AGO3: variants seen among roughly 807,000 people sequenced by gnomAD.
AGO3 encodes protein argonaute-3.
Under a neutral mutation model 105.5 loss-of-function variants are expected in AGO3, and 16 were observed. That is an observed-to-expected ratio of 0.15 (90% CI 0.10 to 0.23). The LOEUF is 0.23. Among genes scored for constraint, AGO3 ranks in the 10% least tolerant of loss-of-function variants. AGO3 has a pLI of 1.00. For synonymous variants in AGO3, 340 were observed against 367.3 expected (o/e 0.93, Z 0.85); for missense variants, 534 against 1,088.0 (o/e 0.49, Z 7.16).
intron 13 of AGO3, 22 bp from the exon 14 acceptor site, chr1:36,036,155 C>T: frequency 6.2e-7 from 1 of 1,607,120 alleles, no homozygotes; most frequent in South Asian, 1.1e-5. Context: ...AATATCTAAC[C>T]CTTTTTCAAA....
chr1:36,028,548 A>G (rs1231712973), intron 12 of AGO3, among the ~76,000 whole-genome samples: 1 of 151,804 alleles, frequency 6.6e-6, no homozygotes, highest in African/African-American at 2.4e-5. Flanking sequence ...TTCCAATTTC[A>G]TCCATGTCCC....
At chr1:35,951,111 C>T (rs996358236) in intron 2 of AGO3, among the ~76,000 whole-genome samples, 3 of 152,146 alleles carry the variant, frequency 2.0e-5, no homozygotes, top group Admixed American at 2.0e-4. Flanking sequence ...CACCCATGCC[C>T]AGCTAGCGTT....
intron 5 of AGO3, among the ~76,000 whole-genome samples, chr1:36,000,612 T>A (rs1640038830): frequency 3.3e-5 from 5 of 152,172 alleles, no homozygotes; most frequent in Admixed American, 3.3e-4. Flanking sequence ...ATTATTCACT[T>A]TCTATTTATC....
chr1:35,965,489 CAAAA>C (rs1171759827), intron 2 of AGO3, among the ~76,000 whole-genome samples: 6 of 87,440 alleles, frequency 6.9e-5, no homozygotes, highest in Non-Finnish European at 1.2e-4. Context: ...GACGCTGTCT[CAAAA>C]AAAAAAAAAA....
chr1:35,991,317 G>T (rs1380386978), intron 5 of AGO3, among the ~76,000 whole-genome samples: 1 of 151,908 alleles, frequency 6.6e-6, no homozygotes, highest in Non-Finnish European at 1.5e-5. Flanking sequence ...AGTAATGGCT[G>T]CAGGAATCTC....
rs1205160160 is a variant in AGO3 at position 36,027,099 on chromosome 1, G to C, written c.1407-15G>C. On this transcript the variant is annotated splice_polypyrimidine_tract_variant and intron_variant, in intron 11 of 18. Coordinates refer to ENST00000373191, the MANE Select transcript of AGO3 (RefSeq NM_024852.4). The surrounding 1 kb of genome is among the most constrained non-coding windows in gnomAD (Gnocchi z 4.0). ...ACTAGACAAAGGTTTTATATTTAGT[G>C]GTTTCTCCTTCCAGGGGTTTCACAG... The C allele has an allele frequency of 1.9e-6, 3 of 1,604,160 alleles. No individual in the cohort carries two copies. In the African/African-American group the frequency reaches 4.0e-5, roughly 22 times the overall value.
chr1:36,009,440 T>G (rs1358193115), intron 8 of AGO3, 35 bp from the exon 9 acceptor site: 1 of 1,575,258 alleles, frequency 6.3e-7, no homozygotes, highest in Non-Finnish European at 8.6e-7. Flanking sequence ...AAAAAAGATA[T>G]ATACATGTAG....
intron 11 of AGO3, among the ~76,000 whole-genome samples, chr1:36,014,542 C>A (rs1250466142): frequency 2.0e-5 from 3 of 148,474 alleles, no homozygotes; most frequent in African/African-American, 7.4e-5. Flanking sequence ...GAGGCCAGGG[C>A]GGGTGGATCA....
At chr1:35,982,609 T>C (rs1337932732) in intron 5 of AGO3, 6 of 717,506 alleles carry the variant, frequency 8.4e-6, no homozygotes, top group Non-Finnish European at 1.6e-5. Context: ...CATGATCATA[T>C]TTGTTTTCCA....
At position 36,009,310 on chromosome 1, in the gene AGO3, A is replaced by G. The variant is rs573827540; in HGVS notation, c.1030-165A>G. 4 of 866,996 alleles carry G rather than the reference A, an allele frequency of 4.6e-6. No individual in the cohort carries two copies. In the South Asian group the frequency reaches 8.8e-5, roughly 19 times the overall value. The allele number at this position is 866,996 out of a possible 1,614,324, so 53.7% of individuals were successfully genotyped here. On this transcript the variant is annotated intron_variant, in intron 8 of 18. Coordinates refer to ENST00000373191, the MANE Select transcript of AGO3 (RefSeq NM_024852.4). ...GTGTACATTTTACTTAATTATACTT[A>G]ATTACTGTAGAGCTGTCTTGTTTAC... is the stretch of plus-strand genomic sequence containing the variant.
At chr1:35,981,209 G>A (rs1170439927) in intron 5 of AGO3, among the ~76,000 whole-genome samples, 1 of 152,120 alleles carries the variant, frequency 6.6e-6, no homozygotes, top group Non-Finnish European at 1.5e-5. Context: ...ATGTCGCGGT[G>A]CCTTTTTACA....
chr1:35,979,066 TA>T (rs1647002690), intron 5 of AGO3, among the ~76,000 whole-genome samples: 1 of 152,066 alleles, frequency 6.6e-6, no homozygotes, highest in Non-Finnish European at 1.5e-5. Flanking sequence ...ATTGTGTTGT[TA>T]AAAAATGTTG....
Position 35,973,383 on chromosome 1 carries a change from C to A in AGO3, c.530C>A (p.Pro177His). ...CATTTTAATTTTTGTAGATACACACCTGTGGGGCGTTCATTTTTCTCCGCT... is the reference window on the plus strand; with the variant it reads ...CATTTTAATTTTTGTAGATACACACATGTGGGGCGTTCATTTTTCTCCGCT... ...LRHLPSMKYT[P>H]VGRSFFSAPE... Residue 177 changes from proline to histidine, a missense_variant, in exon 5 of 19, where the codon CCT becomes CAT. Physicochemically the swap from Pro to His is moderately conservative, Grantham distance 77 (BLOSUM62 -2). This residue lies in a region of AGO3 where 161 missense variants were observed against 234.0 expected (regional missense o/e 0.69). Transcript: ENST00000373191. 1 of 1,572,330 alleles carries A rather than the reference C, an allele frequency of 6.4e-7. No individual in the cohort carries two copies. The highest frequency in any genetic ancestry group is 8.7e-7 in the Non-Finnish European group (1 of 1,155,086).
chr1:36,011,506 T>G (rs1640612604), intron 9 of AGO3, among the ~76,000 whole-genome samples: 1 of 152,192 alleles, frequency 6.6e-6, no homozygotes, highest in South Asian at 2.1e-4. Flanking sequence ...GACTAAGACC[T>G]CTTACTTTGT....
intron 2 of AGO3, among the ~76,000 whole-genome samples, chr1:35,947,798 ACT>A (rs1646395228): frequency 1.3e-5 from 2 of 152,202 alleles, no homozygotes; most frequent in East Asian, 3.9e-4. Context: ...CTCATGCTGT[ACT>A]CTCATAGAGA....
At chr1:35,972,825 T>C (rs1474544835) in intron 4 of AGO3, among the ~76,000 whole-genome samples, 1 of 151,558 alleles carries the variant, frequency 6.6e-6, no homozygotes, top group African/African-American at 2.4e-5. Flanking sequence ...ACCACAGGTA[T>C]GCACCATCAT....
In AGO3 at chr1:35,976,209, A is replaced by C. The variant is rs1456984586; in HGVS notation, c.658+2698A>C. Reference sequence around the variant, plus strand: ...CTCAGCCTCCCAGAGTGCTGGGATTACAGGCGTGAGCCACTGCACCCAGGC... The same window carrying C: ...CTCAGCCTCCCAGAGTGCTGGGATTCCAGGCGTGAGCCACTGCACCCAGGC... On this transcript the variant is annotated intron_variant, in intron 5 of 18. Coordinates refer to ENST00000373191, the MANE Select transcript of AGO3 (RefSeq NM_024852.4). 2.0e-5 allele frequency among the ~76,000 whole-genome samples: 3 copies of C among 152,312 alleles called. No individual in the cohort carries two copies. In the South Asian group the frequency reaches 6.2e-4, roughly 32 times the overall value.
At chr1:35,938,823 G>A (rs1646201186) in intron 1 of AGO3, among the ~76,000 whole-genome samples, 2 of 152,206 alleles carry the variant, frequency 1.3e-5, no homozygotes, top group East Asian at 3.9e-4. Context: ...ATATGTTATA[G>A]TTGATTTTGA....
chr1:35,931,481 A>T, intron 1 of AGO3, 36 bp downstream of exon 1: 1 of 1,452,690 alleles, frequency 6.9e-7, no homozygotes, highest in Non-Finnish European at 9.1e-7. Flanking sequence ...AGGGGATGTC[A>T]CCCAGCTACT....
Sources: allele counts gnomAD v4.1 joint callset (sites outside exome capture counted in the v4.1 genomes callset), GRCh38; gene constraint gnomAD v4.1.1; regional missense constraint gnomAD v4.1.1; non-coding constraint Gnocchi (gnomAD v3.1); transcripts MANE v1.5; gene names NCBI Gene and HGNC (gene_info 2026-07-23, HGNC 2026-07-21).